The following D2HGDH variants were observed in gnomAD, a reference collection of about 807,000 sequenced individuals.
D2HGDH encodes D-2-hydroxyglutarate dehydrogenase.
Under a neutral mutation model 46.9 loss-of-function variants are expected in D2HGDH, and 31 were observed. The observed-to-expected ratio is 0.66, with a 90% CI of 0.50 to 0.89. The LOEUF is 0.89. D2HGDH is among the 40% of genes least tolerant of loss of function. The pLI, the probability that D2HGDH is intolerant of heterozygous loss-of-function variation, is 0.00. For synonymous variants in D2HGDH, 364 were observed against 332.6 expected (o/e 1.09, Z -1.03); for missense variants, 698 against 720.8 (o/e 0.97, Z 0.36).
chr2:241,750,100 T>C (rs762771273), intron 6 of D2HGDH, 51 bp from the exon 7 acceptor site: 1 of 1,612,774 alleles, frequency 6.2e-7, no homozygotes, highest in Non-Finnish European at 8.5e-7. Context: ...GGGACTTGGG[T>C]GGGCTGGGTT....
intron 8 of D2HGDH, among the ~76,000 whole-genome samples, chr2:241,752,957 C>T (rs1206594756): frequency 6.6e-6 from 1 of 151,286 alleles, no homozygotes; most frequent in African/African-American, 2.4e-5. Flanking sequence ...CGGACTGTCC[C>T]CAACGCCCCC....
intron 2 of D2HGDH, among the ~76,000 whole-genome samples, chr2:241,739,851 A>C (rs180937074): frequency 1.1e-4 from 16 of 152,378 alleles, no homozygotes; most frequent in African/African-American, 3.6e-4. Context: ...CTCGTGGCAG[A>C]GTCAGCTAAG....
chr2:241,741,731 A>G (rs111891978), intron 3 of D2HGDH, among the ~76,000 whole-genome samples: 42 of 87,830 alleles, frequency 4.8e-4, no homozygotes, highest in African/African-American at 1.4e-3. Context: ...TATTTCATGT[A>G]TGGGGCTTGC....
chr2:241,761,964 T>A (rs1698863895), intron 9 of D2HGDH, among the ~76,000 whole-genome samples: 1 of 152,108 alleles, frequency 6.6e-6, no homozygotes, highest in Non-Finnish European at 1.5e-5. Context: ...CTCTGTTCTC[T>A]CTTCTGATGT....
Position 241,751,325 on chromosome 2 carries a change from G to T in D2HGDH, c.1077G>T (p.Glu359Asp). The part of the protein sequence containing the change: ...HDAEKLGHFL[E>D]HALGSGLVTD... The stretch of plus-strand genomic sequence containing the variant: ...CTGAGAAGCTGGGCCACTTCCTGGA[G>T]CACGCGCTGGGCTCCGGCCTGGTGA... Residue 359 changes from glutamate (E) to aspartate (D), a missense_variant, in exon 8 of 10, where the codon GAG becomes GAT. By Grantham distance (45) the Glu-to-Asp change is conservative. Transcript: ENST00000321264. 1 of 1,613,884 alleles carries T rather than the reference G, an allele frequency of 6.2e-7. No individual in the cohort carries two copies. Among genetic ancestry groups the T allele is most frequent in the Non-Finnish European group, 8.5e-7 (1 of 1,180,040 alleles).
Position 241,768,675 on chromosome 2 carries a change from C to T in D2HGDH, c.*706C>T, listed in dbSNP as rs1000013111. The T allele has an allele frequency of 3.9e-5, 6 of 152,208 alleles. No homozygotes were observed. Among genetic ancestry groups the T allele is most frequent in the African/African-American group, 1.4e-4 (6 of 41,400 alleles). The allele number at this position is 152,208 out of a possible 1,614,324, so 9.4% of individuals were successfully genotyped here. ...AACGTGCGGTGCTGCGGGCGAGGGC[C>T]CCGGCACGGACAAGGGCCACTGCAG... On this transcript the variant is annotated 3_prime_UTR_variant, in exon 10 of 10. Transcript: ENST00000321264.
chr2:241,752,749 T>G (rs1697470269), intron 8 of D2HGDH, among the ~76,000 whole-genome samples: 1 of 151,518 alleles, frequency 6.6e-6, no homozygotes, highest in Non-Finnish European at 1.5e-5. Flanking sequence ...GGAGTGGCAG[T>G]CAGTCATGCA....
At chr2:241,739,847 G>T (rs1444669909) in intron 2 of D2HGDH, among the ~76,000 whole-genome samples, 1 of 152,232 alleles carries the variant, frequency 6.6e-6, no homozygotes, top group Non-Finnish European at 1.5e-5. Context: ...CTCCCTCGTG[G>T]CAGAGTCAGC....
intron 3 of D2HGDH, 95 bp downstream of exon 3, chr2:241,741,185 A>AG: frequency 8.5e-7 from 1 of 1,175,170 alleles, no homozygotes; most frequent in Non-Finnish European, 1.2e-6. Context: ...CGCGGTGCGA[A>AG]GCCAGCCGAT....
chr2:241,738,756 G>A (rs530516765), intron 2 of D2HGDH, among the ~76,000 whole-genome samples: 27 of 152,322 alleles, frequency 1.8e-4, no homozygotes, highest in Admixed American at 1.6e-3. Flanking sequence ...GTGGGAGGGC[G>A]CCTTCCTCTG....
intron 9 of D2HGDH, among the ~76,000 whole-genome samples, chr2:241,764,911 C>T (rs1378853253): frequency 1.3e-5 from 2 of 152,206 alleles, no homozygotes; most frequent in African/African-American, 2.4e-5. Context: ...TCTGAGCCGT[C>T]GCCTTCTTGA....
rs139261091 is a variant in D2HGDH, at chr2:241,751,648, G to A, written c.1140+260G>A. ...ACCCCATGCTGTGGGATGAGCAAGG[G>A]GACTGCCCCATTGCTGGTCCCCTGC... is the stretch of plus-strand genomic sequence containing the variant. On this transcript the variant is annotated intron_variant, in intron 8 of 9. Coordinates refer to ENST00000321264, the MANE Select transcript of D2HGDH (RefSeq NM_152783.5). Among the ~76,000 whole-genome samples, 1,439 of 152,348 alleles carry A rather than the reference G, an allele frequency of 9.4e-3. 24 individuals are homozygous for A. The highest frequency in any genetic ancestry group is 0.033 in the African/African-American group (1,363 of 41,572).
Position 241,768,098 on chromosome 2 carries a change from G to A in D2HGDH, c.*129G>A. The A allele has an allele frequency of 7.4e-7, 1 of 1,350,150 alleles. No homozygotes were observed. Among genetic ancestry groups the A allele is most frequent in the Non-Finnish European group, 9.8e-7 (1 of 1,016,330 alleles). The allele number at this position is 1,350,150 out of a possible 1,614,324, so 83.6% of individuals were successfully genotyped here. A position where few individuals can be genotyped will look rare whatever the true frequency, so the allele number is the denominator to read the frequency against. On this transcript the variant is annotated 3_prime_UTR_variant, in exon 10 of 10. Transcript: ENST00000321264. Reference sequence around the variant, plus strand: ...CCAGGCACCTGGTTGAAGGGACTGGGAGCCCGCACTGGGGAACTGCCGGAC... The same window carrying A: ...CCAGGCACCTGGTTGAAGGGACTGGAAGCCCGCACTGGGGAACTGCCGGAC...
chr2:241,768,025 G>T lies in D2HGDH; in HGVS notation c.*56G>T, dbSNP rs967544691. 7 of 1,526,680 alleles carry T rather than the reference G, an allele frequency of 4.6e-6. No individual in the cohort carries two copies. The South Asian group carries it at 7.2e-5, about 16-fold the overall frequency. The allele number at this position is 1,526,680 out of a possible 1,614,324, so 94.6% of individuals were successfully genotyped here. On this transcript the variant is annotated 3_prime_UTR_variant, in exon 10 of 10. Transcript: ENST00000321264. ...GGGGGTCGGCGGGTGGCTCTCGGGC[G>T]GGGGTGTTGCGGTGGCTCTGAGGGA...
intron 6 of D2HGDH, 131 bp downstream of exon 6, chr2:241,745,008 GA>G (rs1695495928): frequency 8.2e-7 from 1 of 1,223,902 alleles, no homozygotes; most frequent in Non-Finnish European, 1.2e-6. Context: ...CGTGTCTCCT[GA>G]CATCTCTGCT....
chr2:241,747,710 A>C (rs527902213), intron 6 of D2HGDH, among the ~76,000 whole-genome samples: 20 of 152,106 alleles, frequency 1.3e-4, no homozygotes, highest in African/African-American at 4.6e-4. Context: ...CCAGGTGTGT[A>C]CCACCATACC....
In D2HGDH at chr2:241,755,984, G is replaced by A. The variant is rs146578303; in HGVS notation, c.1276G>A (p.Ala426Thr). Residue 426 changes from alanine to threonine, a missense_variant, in exon 9 of 10, where the codon GCC (alanine) becomes ACC (threonine). Transcript: ENST00000321264. The stretch of plus-strand genomic sequence containing the variant: ...CCTGCGCGCCCGCCTCGGCCCGCAC[G>A]CCAAGCACGTGGTGGGCTATGGCCA... Reference protein sequence around the residue: ...TDLRARLGPHAKHVVGYGHLG... With the variant: ...TDLRARLGPHTKHVVGYGHLG... 11,472 of 1,603,256 alleles carry A rather than the reference G, an allele frequency of 7.2e-3. 72 individuals carry two copies. Among genetic ancestry groups the A allele is most frequent in the Non-Finnish European group, 7.4e-3 (8,645 of 1,172,318 alleles).
intron 9 of D2HGDH, among the ~76,000 whole-genome samples, chr2:241,757,225 G>A (rs1365779558): frequency 1.3e-5 from 2 of 152,200 alleles, no homozygotes; most frequent in South Asian, 4.1e-4. Context: ...TAAGTAACTT[G>A]CCCAAAGTTG....
chr2:241,745,440 A>T (rs1695611875), intron 6 of D2HGDH, among the ~76,000 whole-genome samples: 1 of 152,118 alleles, frequency 6.6e-6, no homozygotes, highest in Non-Finnish European at 1.5e-5. Flanking sequence ...TTTCCTCCTC[A>T]GGAGTTCAGA....
Sources: allele counts gnomAD v4.1 joint callset (sites outside exome capture counted in the v4.1 genomes callset), GRCh38; gene constraint gnomAD v4.1.1; transcripts MANE v1.5; gene names NCBI Gene and HGNC (gene_info 2026-07-23, HGNC 2026-07-21).